Variants in RAB22A observed in about 807,000 individuals in gnomAD.
RAB22A encodes the protein ras-related protein Rab-22A.
RAB22A carries 13 observed loss-of-function variants against 30.2 expected under a neutral mutation model. The observed-to-expected ratio is 0.43, with a 90% CI of 0.28 to 0.68. The LOEUF is 0.68. Among genes scored for constraint, RAB22A ranks in the 30% least tolerant of loss-of-function variants. RAB22A has a pLI of 0.18. For missense variants in RAB22A, 177 were observed against 246.8 expected (o/e 0.72, Z 1.89); for synonymous variants, 89 against 87.2 (o/e 1.02, Z -0.11).
chr20:58,335,335 A>G (rs1986729503), intron 2 of RAB22A, among the ~76,000 whole-genome samples: 1 of 152,144 alleles, frequency 6.6e-6, no homozygotes, highest in Non-Finnish European at 1.5e-5. Flanking sequence ...TCATTTCTAA[A>G]CCAATTAAAA....
chr20:58,315,283 C>G (rs1233233306), intron 2 of RAB22A, among the ~76,000 whole-genome samples: 1 of 152,168 alleles, frequency 6.6e-6, no homozygotes, highest in African/African-American at 2.4e-5. Context: ...TCACCTCCCT[C>G]GGACACCTCA....
chr20:58,364,737 T>TC lies in RAB22A; in HGVS notation c.*5034_*5035insC, dbSNP rs1987285824. On this transcript the variant is annotated 3_prime_UTR_variant, in exon 7 of 7. Transcript: ENST00000244040. ...AGATAGTAATGATTTTTTTTCTTTTTTTTTTTTTTTCTTTTTTTAGATGGA... is the reference window on the plus strand; with the variant it reads ...AGATAGTAATGATTTTTTTTCTTTTTCTTTTTTTTTTCTTTTTTTAGATGGA... 6.6e-6 allele frequency: 1 copy of TC among 151,704 alleles called. No individual in the cohort carries two copies. The highest frequency in any genetic ancestry group is 2.4e-5 in the African/African-American group (1 of 41,328). 9.4% of individuals were successfully genotyped at this position (151,704 alleles called of 1,614,324 possible).
intron 1 of RAB22A, 91 bp downstream of exon 1, chr20:58,310,103 T>A: frequency 2.2e-6 from 2 of 919,390 alleles, no homozygotes; most frequent in Non-Finnish European, 2.5e-6. Flanking sequence ...CCTTCCCCCC[T>A]CCCACGTCCA....
chr20:58,317,130 CTT>C (rs955942490), intron 2 of RAB22A, among the ~76,000 whole-genome samples: 1 of 151,460 alleles, frequency 6.6e-6, no homozygotes, highest in Non-Finnish European at 1.5e-5. Context: ...GAGTTTTGCT[CTT>C]GTCGCCCAGG....
intron 2 of RAB22A, among the ~76,000 whole-genome samples, chr20:58,326,918 A>G (rs1443867411): frequency 6.6e-6 from 1 of 152,200 alleles, no homozygotes; most frequent in Non-Finnish European, 1.5e-5. Flanking sequence ...AACATTCAGT[A>G]TTGTACCAGT....
At chr20:58,345,535 CA>C (rs775378201) in intron 3 of RAB22A, 1 of 152,428 alleles carries the variant, frequency 6.6e-6, no homozygotes, top group Non-Finnish European at 1.5e-5. Flanking sequence ...AGCCACAGGC[CA>C]GGGGTGCTGA....
intron 6 of RAB22A, 100 bp from the exon 7 acceptor site, chr20:58,359,506 T>TC (rs1987188499): frequency 3.1e-6 from 2 of 651,670 alleles, no homozygotes; most frequent in East Asian, 7.4e-5. Flanking sequence ...TTTTTTTTTT[T>TC]TTTTTTTACT....
chr20:58,358,582 G>A (rs965029268), intron 6 of RAB22A, among the ~76,000 whole-genome samples: 2 of 152,156 alleles, frequency 1.3e-5, no homozygotes, highest in Non-Finnish European at 2.9e-5. Context: ...TACAAATGCA[G>A]TATTTTAGAG....
chr20:58,357,865 G>A lies in RAB22A; in HGVS notation c.488-1741G>A, dbSNP rs143941909. On this transcript the variant is annotated intron_variant, in intron 6 of 6. Coordinates refer to ENST00000244040, the MANE Select transcript of RAB22A (RefSeq NM_020673.3). Reference sequence around the variant, plus strand: ...AAGGCTTGAGAGAACCTGAGTCAGCGGAGAGGCCATCTTAGCCTTGTTAAT... The same window carrying A: ...AAGGCTTGAGAGAACCTGAGTCAGCAGAGAGGCCATCTTAGCCTTGTTAAT... 2.0e-3 allele frequency among the ~76,000 whole-genome samples: 304 copies of A among 152,292 alleles called. 1 individual carries two copies. Among genetic ancestry groups the A allele is most frequent in the African/African-American group, 6.8e-3 (284 of 41,550 alleles).
At chr20:58,357,282 G>C (rs768429348) in intron 6 of RAB22A, among the ~76,000 whole-genome samples, 1 of 152,164 alleles carries the variant, frequency 6.6e-6, no homozygotes, top group Non-Finnish European at 1.5e-5. Flanking sequence ...TGAAGGGCCT[G>C]TTAAGTCTTT....
chr20:58,349,407 A>G (rs1987006594), intron 3 of RAB22A, among the ~76,000 whole-genome samples: 4 of 152,238 alleles, frequency 2.6e-5, no homozygotes, highest in African/African-American at 9.6e-5. Context: ...AAGAGGAGGC[A>G]AATCGCAGAA....
chr20:58,348,237 A>AG (rs1168531913), intron 3 of RAB22A, among the ~76,000 whole-genome samples: 2 of 152,132 alleles, frequency 1.3e-5, no homozygotes, highest in Non-Finnish European at 1.5e-5. Flanking sequence ...AAAAAAAAAA[A>AG]GCTTCCTAAC....
chr20:58,332,215 C>G (rs1410233781), intron 2 of RAB22A, among the ~76,000 whole-genome samples: 1 of 152,082 alleles, frequency 6.6e-6, no homozygotes, highest in East Asian at 1.9e-4. Flanking sequence ...ACAAAGAAAC[C>G]TAAATAAACT....
rs1986897265 is a variant in RAB22A at position 58,343,722 on chromosome 20, T to C, written c.121T>C (p.Ser41Pro). The C allele has an allele frequency of 1.2e-6, 2 of 1,606,912 alleles. No individual in the cohort carries two copies. Among genetic ancestry groups the C allele is most frequent in the Non-Finnish European group, 1.7e-6 (2 of 1,173,452 alleles). ...CATTTAGGTCTCTCTTTATAGGGCA[T>C]CTTTTATGACCAAGACTGTCCAGTA... ...DPNINPTIGASFMTKTVQYQN... is the reference protein window; with the variant it reads ...DPNINPTIGAPFMTKTVQYQN... The change falls in exon 3 of 7, where the codon TCT (serine) becomes CCT (proline). Residue 41 changes from serine (S) to proline (P), a missense_variant. Physicochemically the swap from Ser to Pro is moderately conservative, Grantham distance 74 (BLOSUM62 -1). Transcript: ENST00000244040.
chr20:58,340,720 TAAATG>T (rs1317904306), intron 2 of RAB22A, among the ~76,000 whole-genome samples: 1 of 152,052 alleles, frequency 6.6e-6, no homozygotes, highest in African/African-American at 2.4e-5. Flanking sequence ...GAAAAAAACA[TAAATG>T]AACTACTCAG....
intron 2 of RAB22A, among the ~76,000 whole-genome samples, chr20:58,330,728 A>G (rs1033988911): frequency 2.0e-5 from 3 of 152,164 alleles, no homozygotes; most frequent in Admixed American, 1.3e-4. Flanking sequence ...GATATGGCCT[A>G]CCTCATTATC....
At chr20:58,336,308 G>A (rs1986752430) in intron 2 of RAB22A, among the ~76,000 whole-genome samples, 1 of 149,636 alleles carries the variant, frequency 6.7e-6, no homozygotes, top group Admixed American at 6.9e-5. Context: ...CACGGCGCCC[G>A]GCCGCTGGTT....
At chr20:58,319,252 T>G (rs1986405034) in intron 2 of RAB22A, among the ~76,000 whole-genome samples, 1 of 152,102 alleles carries the variant, frequency 6.6e-6, no homozygotes, top group Non-Finnish European at 1.5e-5. Flanking sequence ...ATTGGACATA[T>G]AGGACACACC....
intron 2 of RAB22A, among the ~76,000 whole-genome samples, chr20:58,312,940 C>T (rs1234115358): frequency 1.3e-5 from 2 of 152,322 alleles, no homozygotes; most frequent in African/African-American, 4.8e-5. Flanking sequence ...CCCCATCCTT[C>T]TCAGGGCCTG....
Sources: gnomAD v4.1 joint callset for allele counts (sites outside exome capture counted in the v4.1 genomes callset) on GRCh38, gnomAD v4.1.1 for gene constraint, MANE v1.5 for transcripts, NCBI Gene and HGNC (gene_info 2026-07-23, HGNC 2026-07-21) for gene names.